Variants in MINDY4 observed in about 807,000 individuals in gnomAD.
MINDY4 encodes MINDY lysine 48 deubiquitinase 4, also known as probable ubiquitin carboxyl-terminal hydrolase MINDY-4.
MINDY4 carries 68 observed loss-of-function variants against 87.0 expected under a neutral mutation model. That is an observed-to-expected ratio of 0.78 (90% CI 0.64 to 0.96). The LOEUF (loss-of-function observed/expected upper bound fraction) is 0.96. MINDY4 is among the 40% of genes least tolerant of loss of function. MINDY4 has a pLI of 0.00. For missense variants in MINDY4, 919 were observed against 928.2 expected, an observed-to-expected ratio of 0.99 and a Z score of 0.13; for synonymous variants, 379 against 363.2, an observed-to-expected ratio of 1.04 and a Z score of -0.50.
intron 5 of MINDY4, among the ~76,000 whole-genome samples, chr7:30,812,420 AAG>A (rs747007823): frequency 1.6e-4 from 24 of 152,200 alleles, no homozygotes; most frequent in East Asian, 5.8e-4. Context: ...CAAAATAAAA[AAG>A]AGAATTAAAA....
intron 6 of MINDY4, among the ~76,000 whole-genome samples, chr7:30,831,505 G>T (rs1465414260): frequency 2.0e-5 from 3 of 152,200 alleles, no homozygotes; most frequent in Non-Finnish European, 4.4e-5. Context: ...CAACAGGGGG[G>T]CAGGATATGA....
intron 5 of MINDY4, 144 bp from the exon 6 acceptor site, chr7:30,828,535 G>C: frequency 1.3e-6 from 1 of 748,506 alleles, no homozygotes; most frequent in South Asian, 1.6e-5. Flanking sequence ...TGAGAGAGGG[G>C]GAGTATTCAA....
chr7:30,867,754 G>T (rs1789983888), intron 13 of MINDY4, among the ~76,000 whole-genome samples: 1 of 152,188 alleles, frequency 6.6e-6, no homozygotes, highest in Non-Finnish European at 1.5e-5. Context: ...GCAGGAGCTG[G>T]CCTGGTAGGA....
chr7:30,872,094 G>A (rs536840199), intron 13 of MINDY4, 149 bp from the exon 14 acceptor site: 1 of 707,138 alleles, frequency 1.4e-6, no homozygotes, highest in Non-Finnish European at 2.4e-6. Context: ...CCTCCTCCGT[G>A]GAGGGCACAG....
intron 5 of MINDY4, among the ~76,000 whole-genome samples, chr7:30,802,231 C>T (rs547650602): frequency 6.6e-6 from 1 of 151,742 alleles, no homozygotes; most frequent in Admixed American, 6.6e-5. Context: ...AGGACCAGAA[C>T]AAGGCTGAGT....
chr7:30,812,274 G>GA (rs1562539101), intron 5 of MINDY4, among the ~76,000 whole-genome samples: 1 of 89,672 alleles, frequency 1.1e-5, no homozygotes, highest in Non-Finnish European at 2.2e-5. Flanking sequence ...TGTGTTGAGG[G>GA]GGGGGGGGTA....
Position 30,786,011 on chromosome 7 carries a change from C to T in MINDY4, c.663+19C>T. The stretch of plus-strand genomic sequence containing the variant: ...CCCACAGGTGGGGCTGTTGCTCTTT[C>T]TGTTGTTATGGGACTGGAGGCTGAG... On this transcript the variant is annotated intron_variant, in intron 4 of 17. Coordinates refer to ENST00000265299, the MANE Select transcript of MINDY4 (RefSeq NM_032222.3). 6.2e-7 allele frequency: 1 copy of T among 1,613,022 alleles called. No homozygotes were observed.
chr7:30,799,807 G>T (rs1355156738), intron 5 of MINDY4, among the ~76,000 whole-genome samples: 1 of 152,174 alleles, frequency 6.6e-6, no homozygotes, highest in African/African-American at 2.4e-5. Flanking sequence ...TTTGTTGGGG[G>T]CATGCTCTCA....
At chr7:30,780,045 TGAG>T (rs1205000931) in intron 2 of MINDY4, 8 of 152,198 alleles carry the variant, frequency 5.3e-5, no homozygotes, top group African/African-American at 1.9e-4. Flanking sequence ...TGCTCCCCTT[TGAG>T]GAGAAGTAGG....
intron 1 of MINDY4, 48 bp from the exon 2 acceptor site, chr7:30,778,384 G>A (rs756756551): frequency 8.7e-6 from 14 of 1,612,974 alleles, no homozygotes; most frequent in Middle Eastern, 3.3e-4. Context: ...TGAGAACAGC[G>A]GGTTTTGATT....
chr7:30,859,273 A>G lies in MINDY4; in HGVS notation c.1694A>G (p.Tyr565Cys), dbSNP rs758483462. The change falls in exon 13 of 18, where the codon TAT becomes TGT. Residue 565 changes from tyrosine to cysteine, a missense_variant. Transcript: ENST00000265299. ...CCCTCCCAGTTTGAAGTGGGCCCCT[A>G]TGGCTGCATCCTGCTCACCCTTTCT... The part of the protein sequence containing the change: ...QSIHQFEVGP[Y>C]GCILLTLSAI... 2.5e-6 allele frequency: 4 copies of G among 1,613,908 alleles called. No individual in the cohort carries two copies. The highest frequency in any genetic ancestry group is 1.7e-6 in the Non-Finnish European group (2 of 1,179,984).
intron 15 of MINDY4, among the ~76,000 whole-genome samples, chr7:30,877,123 A>G (rs1790284277): frequency 6.6e-6 from 1 of 152,122 alleles, no homozygotes. Flanking sequence ...TGCTGGTGTT[A>G]GGAGGGAGCC....
At chr7:30,810,416 G>T (rs1276294248) in intron 5 of MINDY4, among the ~76,000 whole-genome samples, 1 of 151,010 alleles carries the variant, frequency 6.6e-6, no homozygotes, top group Non-Finnish European at 1.5e-5. Flanking sequence ...GGATTATAAG[G>T]AGGCATAAGA....
At chr7:30,860,452 C>A (rs1789717928) in intron 13 of MINDY4, among the ~76,000 whole-genome samples, 1 of 152,202 alleles carries the variant, frequency 6.6e-6, no homozygotes, top group South Asian at 2.1e-4. Flanking sequence ...GGCGTGGACT[C>A]ACGTGCATGG....
intron 5 of MINDY4, among the ~76,000 whole-genome samples, chr7:30,826,893 C>T (rs1788531453): frequency 6.6e-6 from 1 of 152,120 alleles, no homozygotes; most frequent in Non-Finnish European, 1.5e-5. Flanking sequence ...GGCATTCTTG[C>T]TGTTATTTTA....
chr7:30,870,409 G>A (rs1052871389), intron 13 of MINDY4, among the ~76,000 whole-genome samples: 3 of 152,224 alleles, frequency 2.0e-5, no homozygotes, highest in Admixed American at 1.3e-4. Context: ...CGCCAGCGAA[G>A]CGCTATGCTC....
chr7:30,826,940 G>A (rs1475350884), intron 5 of MINDY4, among the ~76,000 whole-genome samples: 1 of 152,146 alleles, frequency 6.6e-6, no homozygotes, highest in Non-Finnish European at 1.5e-5. Flanking sequence ...TGGTGATGAT[G>A]GGGACTCTTT....
intron 5 of MINDY4, among the ~76,000 whole-genome samples, chr7:30,795,088 G>A (rs562879292): frequency 2.0e-5 from 3 of 152,288 alleles, no homozygotes; most frequent in East Asian, 3.9e-4. Flanking sequence ...CACTTGTGTT[G>A]CTCACAGCCC....
chr7:30,870,911 CCCCCCCAGGGCCATGTGTG>C (rs977880290), intron 13 of MINDY4, among the ~76,000 whole-genome samples: 39 of 151,920 alleles, frequency 2.6e-4, no homozygotes, highest in Non-Finnish European at 4.0e-4. Context: ...GCTGTGTGTG[CCCCCCCAGGGCCATGTGTG>C]CCCCCCAGGG....
Sources: allele counts gnomAD v4.1 joint callset (sites outside exome capture counted in the v4.1 genomes callset), GRCh38; gene constraint gnomAD v4.1.1; transcripts MANE v1.5; gene names NCBI Gene and HGNC (gene_info 2026-07-23, HGNC 2026-07-21).